Variants in GLI2 observed in about 807,000 individuals in gnomAD.
GLI2 encodes transcription activator GLI2.
Under a neutral mutation model 78.9 loss-of-function variants are expected in GLI2, and 22 were observed. That is an observed-to-expected ratio of 0.28 (90% CI 0.20 to 0.40). The LOEUF (loss-of-function observed/expected upper bound fraction) is 0.40, where lower values mean the gene tolerates loss of function less well. GLI2 is among the 10% of genes least tolerant of loss of function. The pLI is 1.00. For synonymous variants in GLI2, 974 were observed against 963.7 expected (o/e 1.01, Z -0.20); for missense variants, 2,097 against 2,213.2 (o/e 0.95, Z 1.05).
chr2:120,821,093 T>C lies in GLI2; in HGVS notation c.148+23625T>C, dbSNP rs558919405. Among the ~76,000 whole-genome samples the C allele has an allele frequency of 5.5e-4, 83 of 152,256 alleles. 1 individual carries two copies. The highest frequency in any genetic ancestry group is 1.6e-3 in the African/African-American group (68 of 41,568). On this transcript the variant is annotated intron_variant, in intron 2 of 13. Coordinates refer to ENST00000361492, the MANE Select transcript of GLI2 (RefSeq NM_001374353.1). ...CCAGAACACTAAGCCTGGGATGATCTGCTCCTCCCTGACTGGCAGCCTGTC... is the reference window on the plus strand; with the variant it reads ...CCAGAACACTAAGCCTGGGATGATCCGCTCCTCCCTGACTGGCAGCCTGTC...
intron 2 of GLI2, among the ~76,000 whole-genome samples, chr2:120,840,601 G>A (rs1354487311): frequency 6.6e-6 from 1 of 152,202 alleles, no homozygotes; most frequent in Non-Finnish European, 1.5e-5. Flanking sequence ...TGGACCACAT[G>A]GGGACTATAA....
chr2:120,941,907 G>T (rs541817076), intron 3 of GLI2, among the ~76,000 whole-genome samples: 17 of 152,172 alleles, frequency 1.1e-4, no homozygotes, highest in East Asian at 1.9e-4. Flanking sequence ...CAGGCGGCAG[G>T]GGGGAAAGCC....
rs761166378 is a variant in GLI2, at chr2:120,797,284, C to A, written c.-30-7C>A. ...GTGTTGGTGAGTGTCTTTGTCTTCT[C>A]TTTTAGGATTGCCACCCAGGACGAT... On this transcript the variant is annotated splice_polypyrimidine_tract_variant and splice_region_variant and intron_variant, in intron 1 of 13. Coordinates refer to ENST00000361492, the MANE Select transcript of GLI2 (RefSeq NM_001374353.1). 1.2e-6 allele frequency: 2 copies of A among 1,612,306 alleles called. No homozygotes were observed. Among genetic ancestry groups the A allele is most frequent in the South Asian group, 2.2e-5 (2 of 91,012 alleles).
At chr2:120,856,454 G>T (rs1287343520) in intron 2 of GLI2, among the ~76,000 whole-genome samples, 1 of 152,170 alleles carries the variant, frequency 6.6e-6, no homozygotes. Context: ...GAAGCAGGAC[G>T]GCTCCTAGGT....
chr2:120,956,803 G>C (rs959607005), intron 5 of GLI2, among the ~76,000 whole-genome samples: 2 of 152,078 alleles, frequency 1.3e-5, no homozygotes, highest in Admixed American at 1.3e-4. Flanking sequence ...GGGCTGGTGG[G>C]AAATCATGTG....
chr2:120,769,178 C>T (rs1050559958), intron 1 of GLI2, among the ~76,000 whole-genome samples: 4 of 152,200 alleles, frequency 2.6e-5, no homozygotes, highest in African/African-American at 4.8e-5. Flanking sequence ...TGGTGCCCAG[C>T]CTGGTGGTCT....
chr2:120,926,524 C>T (rs556603656), intron 2 of GLI2, among the ~76,000 whole-genome samples: 1 of 152,320 alleles, frequency 6.6e-6, no homozygotes, highest in South Asian at 2.1e-4. Flanking sequence ...ACTAAGAAAT[C>T]CCCACTTCTT....
intron 2 of GLI2, among the ~76,000 whole-genome samples, chr2:120,874,877 C>G (rs1220922048): frequency 6.6e-6 from 1 of 152,216 alleles, no homozygotes; most frequent in Non-Finnish European, 1.5e-5. Context: ...AGTGTCTGCC[C>G]TGCAGGTGAC....
In GLI2 at chr2:120,805,896, A is replaced by C. The variant is rs141678881; in HGVS notation, c.148+8428A>C. Among the ~76,000 whole-genome samples the C allele has an allele frequency of 2.6e-3, 399 of 152,368 alleles. 3 individuals carry two copies. Among genetic ancestry groups the C allele is most frequent in the Non-Finnish European group, 2.1e-3 (144 of 68,044 alleles). ...GGGGTTTATCATTTTAGTCATGTTTAACACGGCTGTGCCAGGCATGCACTA... is the reference window on the plus strand; with the variant it reads ...GGGGTTTATCATTTTAGTCATGTTTCACACGGCTGTGCCAGGCATGCACTA... On this transcript the variant is annotated intron_variant, in intron 2 of 13. Transcript: ENST00000361492.
At chr2:120,756,243 C>T (rs1374426687) in intron 1 of GLI2, among the ~76,000 whole-genome samples, 1 of 152,122 alleles carries the variant, frequency 6.6e-6, no homozygotes, top group African/African-American at 2.4e-5. Context: ...TCTTCATATT[C>T]TCCTAGCAAT....
intron 3 of GLI2, among the ~76,000 whole-genome samples, chr2:120,944,704 C>A (rs1003602665): frequency 6.6e-6 from 1 of 152,366 alleles, no homozygotes; most frequent in South Asian, 2.1e-4. Flanking sequence ...GGCTGGCCTT[C>A]TACTCCCACT....
chr2:120,742,040 AG>A (rs530127639), intron 1 of GLI2, among the ~76,000 whole-genome samples: 123 of 152,322 alleles, frequency 8.1e-4, no homozygotes, highest in African/African-American at 2.7e-3. Flanking sequence ...CTTCCCCAGG[AG>A]GGGCTTCCAG....
chr2:120,736,792 CCTTT>C (rs1414382738), intron 1 of GLI2, among the ~76,000 whole-genome samples: 2 of 151,952 alleles, frequency 1.3e-5, no homozygotes, highest in African/African-American at 4.8e-5. Flanking sequence ...CGGAGCCCTG[CCTTT>C]CTTTCTTCCT....
intron 2 of GLI2, among the ~76,000 whole-genome samples, chr2:120,917,130 C>G (rs1679141512): frequency 6.6e-6 from 1 of 152,222 alleles, no homozygotes; most frequent in Non-Finnish European, 1.5e-5. Context: ...TGGGAGGGCG[C>G]TGGCCTTCTG....
In GLI2 at chr2:120,988,205, C is replaced by T; in HGVS notation, c.2243-3C>T. On this transcript the variant is annotated splice_polypyrimidine_tract_variant and splice_region_variant and intron_variant, in intron 13 of 13. Transcript: ENST00000361492. ...CGGTGCTGACCCCTCTGCTCTCCCG[C>T]AGGCTCCATCCTGGAAAACTTCAGT... The T allele has an allele frequency of 6.3e-7, 1 of 1,586,712 alleles. No homozygotes were observed. Among genetic ancestry groups the T allele is most frequent in the African/African-American group, 1.4e-5 (1 of 72,828 alleles).
At chr2:120,749,501 A>G (rs1682801590) in intron 1 of GLI2, among the ~76,000 whole-genome samples, 1 of 152,144 alleles carries the variant, frequency 6.6e-6, no homozygotes, top group African/African-American at 2.4e-5. Context: ...TGGATGAGGA[A>G]TTGGAAAGTT....
intron 1 of GLI2, among the ~76,000 whole-genome samples, chr2:120,753,345 G>A (rs952766567): frequency 6.6e-6 from 1 of 151,996 alleles, no homozygotes; most frequent in African/African-American, 2.4e-5. Flanking sequence ...ATCTACCTGC[G>A]TCGACCTCTG....
intron 3 of GLI2, among the ~76,000 whole-genome samples, chr2:120,945,165 G>A (rs980329348): frequency 1.3e-5 from 2 of 152,238 alleles, no homozygotes; most frequent in African/African-American, 4.8e-5. Context: ...ATCACAGTCA[G>A]CAGGCCAGAA....
rs138085956 is a variant in GLI2 at position 120,793,605 on chromosome 2, A to G, written c.-30-3686A>G. 1.3e-3 allele frequency among the ~76,000 whole-genome samples: 201 copies of G among 152,230 alleles called. 1 individual carries two copies. Among genetic ancestry groups the G allele is most frequent in the Non-Finnish European group, 1.5e-3 (99 of 68,014 alleles). On this transcript the variant is annotated intron_variant, in intron 1 of 13. Coordinates refer to ENST00000361492, the MANE Select transcript of GLI2 (RefSeq NM_001374353.1). ...ACACAGCCTCTTGGCTCTGTGTACTATCTTCTTCTCCGGGAAGTGGTGGGA... is the reference window on the plus strand; with the variant it reads ...ACACAGCCTCTTGGCTCTGTGTACTGTCTTCTTCTCCGGGAAGTGGTGGGA...
Sources: gnomAD v4.1 joint callset for allele counts (sites outside exome capture counted in the v4.1 genomes callset) on GRCh38, gnomAD v4.1.1 for gene constraint, MANE v1.5 for transcripts, NCBI Gene and HGNC (gene_info 2026-07-23, HGNC 2026-07-21) for gene names.